XKR4: variants seen among roughly 807,000 people sequenced by gnomAD.
XKR4 encodes XK-related protein 4.
In XKR4, 12 loss-of-function variants were observed where a neutral mutation model predicts 53.9. The ratio of observed to expected loss-of-function variants is 0.22; its 90% CI spans 0.14 to 0.36. The LOEUF (loss-of-function observed/expected upper bound fraction) is 0.36, where lower values mean the gene tolerates loss of function less well. Ranked by LOEUF, XKR4 falls within the 10% of genes least tolerant of loss-of-function variation. The pLI is 1.00. For missense variants in XKR4, 799 were observed against 859.5 expected (o/e 0.93, Z 0.88); for synonymous variants, 354 against 362.4 (o/e 0.98, Z 0.26).
chr8:55,328,875 T>C (rs769921086), intron 1 of XKR4, among the ~76,000 whole-genome samples: 3 of 152,134 alleles, frequency 2.0e-5, no homozygotes, highest in Non-Finnish European at 4.4e-5. Flanking sequence ...CAATCTAATT[T>C]ACCACCAACA....
intron 2 of XKR4, chr8:55,453,133 G>A (rs192140258): frequency 4.2e-4 from 219 of 527,664 alleles, no homozygotes; most frequent in South Asian, 9.7e-4. Flanking sequence ...GTAGAACACG[G>A]CCTCCCAGAA....
intron 1 of XKR4, among the ~76,000 whole-genome samples, chr8:55,269,637 C>T (rs975948496): frequency 6.6e-6 from 1 of 152,098 alleles, no homozygotes; most frequent in Admixed American, 6.6e-5. Flanking sequence ...TGGTAAATAA[C>T]AGCTCAGAGC....
intron 1 of XKR4, among the ~76,000 whole-genome samples, chr8:55,157,130 T>C (rs1816919367): frequency 6.6e-6 from 1 of 152,240 alleles, no homozygotes; most frequent in Non-Finnish European, 1.5e-5. Context: ...ACCACCTACA[T>C]GTCTGACTTA....
At chr8:55,282,124 T>C (rs539857503) in intron 1 of XKR4, among the ~76,000 whole-genome samples, 9 of 152,290 alleles carry the variant, frequency 5.9e-5, no homozygotes, top group African/African-American at 1.9e-4. Flanking sequence ...AGTTCTTCAA[T>C]AGAGCAGGGT....
intron 1 of XKR4, among the ~76,000 whole-genome samples, chr8:55,311,354 G>GC (rs1201349089): frequency 6.6e-6 from 1 of 152,192 alleles, no homozygotes; most frequent in Non-Finnish European, 1.5e-5. Flanking sequence ...GGCTCAGAGG[G>GC]CCCCCAGGAG....
intron 2 of XKR4, among the ~76,000 whole-genome samples, chr8:55,519,848 T>TGA (rs975367519): frequency 5.9e-5 from 9 of 151,938 alleles, no homozygotes; most frequent in Non-Finnish European, 1.2e-4. Flanking sequence ...CGCAAATGGG[T>TGA]GAGAGAGAGA....
At chr8:55,408,573 G>A (rs1304672072) in intron 2 of XKR4, among the ~76,000 whole-genome samples, 1 of 152,156 alleles carries the variant, frequency 6.6e-6, no homozygotes, top group Admixed American at 6.5e-5. Context: ...AGAGCGTCAG[G>A]CAGAAGGGCT....
At chr8:55,289,494 G>T (rs762211527) in intron 1 of XKR4, among the ~76,000 whole-genome samples, 1 of 148,172 alleles carries the variant, frequency 6.7e-6, no homozygotes, top group Non-Finnish European at 1.5e-5. Context: ...CAGCCTGGGA[G>T]GCAGAGTGAG....
At chr8:55,219,997 C>T (rs559089425) in intron 1 of XKR4, among the ~76,000 whole-genome samples, 21 of 152,128 alleles carry the variant, frequency 1.4e-4, no homozygotes, top group Non-Finnish European at 2.9e-4. Context: ...TGATCTATTG[C>T]ACTGTGATAA....
chr8:55,192,819 T>TTGA (rs1039361860), intron 1 of XKR4, among the ~76,000 whole-genome samples: 1 of 152,184 alleles, frequency 6.6e-6, no homozygotes, highest in Non-Finnish European at 1.5e-5. Context: ...AGGAAAACTA[T>TTGA]GGAATTACAG....
At chr8:55,322,928 G>A (rs1803236270) in intron 1 of XKR4, among the ~76,000 whole-genome samples, 1 of 152,100 alleles carries the variant, frequency 6.6e-6, no homozygotes, top group East Asian at 1.9e-4. Context: ...CTTCCCGTAT[G>A]TTGTTGAATA....
intron 1 of XKR4, among the ~76,000 whole-genome samples, chr8:55,317,809 G>C (rs1329454188): frequency 6.6e-6 from 1 of 152,212 alleles, no homozygotes; most frequent in African/African-American, 2.4e-5. Flanking sequence ...TTGATGATTG[G>C]CATAGGGGTC....
chr8:55,419,580 G>C (rs896556773), intron 2 of XKR4, among the ~76,000 whole-genome samples: 4 of 152,150 alleles, frequency 2.6e-5, no homozygotes, highest in African/African-American at 7.2e-5. Context: ...ATCTCCCTGA[G>C]GCTTTTAACA....
At chr8:55,234,288 C>CA (rs959035573) in intron 1 of XKR4, among the ~76,000 whole-genome samples, 1 of 152,144 alleles carries the variant, frequency 6.6e-6, no homozygotes, top group African/African-American at 2.4e-5. Flanking sequence ...TAAAGTAGTG[C>CA]AAAATCAGAT....
intron 1 of XKR4, among the ~76,000 whole-genome samples, chr8:55,299,648 T>A (rs1819153962): frequency 6.6e-6 from 1 of 152,084 alleles, no homozygotes; most frequent in African/African-American, 2.4e-5. Flanking sequence ...CATATTGGGA[T>A]AAATGTTGTA....
In XKR4 at chr8:55,298,707, C is replaced by T. The variant is rs1007492480; in HGVS notation, c.807-58971C>T. Among the ~76,000 whole-genome samples the T allele has an allele frequency of 1.8e-4, 28 of 152,162 alleles. 1 individual carries two copies. Among genetic ancestry groups the T allele is most frequent in the African/African-American group, 5.1e-4 (21 of 41,432 alleles). On this transcript the variant is annotated intron_variant, in intron 1 of 2. Coordinates refer to ENST00000327381, the MANE Select transcript of XKR4 (RefSeq NM_052898.2). ...ACAAACGTCCAACCTATATCATTGC[C>T]ACATTTGCTCTACCATTTTCTCTTC...
chr8:55,426,388 C>G (rs1349656871), intron 2 of XKR4, among the ~76,000 whole-genome samples: 2 of 152,140 alleles, frequency 1.3e-5, no homozygotes, highest in South Asian at 2.1e-4. Flanking sequence ...CTCTCTCTCT[C>G]TGTCACACAT....
At chr8:55,237,503 T>A (rs1252013407) in intron 1 of XKR4, among the ~76,000 whole-genome samples, 2 of 152,210 alleles carry the variant, frequency 1.3e-5, no homozygotes, top group Non-Finnish European at 2.9e-5. Flanking sequence ...TTCTTCATGC[T>A]CATTATCTTA....
At chr8:55,283,382 G>A (rs545780320) in intron 1 of XKR4, among the ~76,000 whole-genome samples, 2 of 152,304 alleles carry the variant, frequency 1.3e-5, no homozygotes, top group East Asian at 3.9e-4. Flanking sequence ...TGTGGCCCAA[G>A]GCAATTCCAG....
Sources: allele counts gnomAD v4.1 joint callset (sites outside exome capture counted in the v4.1 genomes callset), GRCh38; gene constraint gnomAD v4.1.1; transcripts MANE v1.5; gene names NCBI Gene and HGNC (gene_info 2026-07-23, HGNC 2026-07-21).